ARHGEF10: variants seen among roughly 807,000 people sequenced by gnomAD.
ARHGEF10 encodes the protein Rho guanine nucleotide exchange factor 10, also known as Rho guanine nucleotide exchange factor (GEF) 10.
In ARHGEF10, 140 loss-of-function variants were observed where a neutral mutation model predicts 147.4. The observed-to-expected ratio is 0.95, with a 90% CI of 0.83 to 1.09. The LOEUF is 1.09. ARHGEF10 is among the 50% of genes least tolerant of loss of function. ARHGEF10 has a pLI of 0.00. For missense variants in ARHGEF10, 2,222 were observed against 1,752.7 expected (o/e 1.27, Z -4.78); for synonymous variants, 902 against 695.8 (o/e 1.30, Z -4.67).
intron 1 of ARHGEF10, among the ~76,000 whole-genome samples, chr8:1,826,419 G>C (rs889360904): frequency 6.7e-6 from 1 of 149,208 alleles, no homozygotes; most frequent in Non-Finnish European, 1.5e-5. Context: ...TGCTGTGTGT[G>C]TGTGCGCTTT....
At chr8:1,844,980 A>G (rs1457955597) in intron 2 of ARHGEF10, among the ~76,000 whole-genome samples, 2 of 152,156 alleles carry the variant, frequency 1.3e-5, no homozygotes, top group Non-Finnish European at 2.9e-5. Context: ...AAATAATGAT[A>G]TGATAATAAT....
chr8:1,941,768 A>G (rs1814111819), intron 26 of ARHGEF10, among the ~76,000 whole-genome samples: 1 of 152,208 alleles, frequency 6.6e-6, no homozygotes, highest in African/African-American at 2.4e-5. Context: ...AGACACATAC[A>G]TCAGTGACAT....
Position 1,842,595 on chromosome 8 carries a change from C to G in ARHGEF10, c.-47-758C>G, listed in dbSNP as rs143334407. On this transcript the variant is annotated intron_variant, in intron 1 of 28. Transcript: ENST00000349830. ...GGGCCTGGAGCTGGTGCCTGGTCCC[C>G]GGTGCTAGAGCCTGGTCCCTGGCAC... is the stretch of plus-strand genomic sequence containing the variant. Among the ~76,000 whole-genome samples the G allele has an allele frequency of 8.8e-3, 1,347 of 152,298 alleles. 9 individuals carry two copies. Among genetic ancestry groups the G allele is most frequent in the Non-Finnish European group, 0.013 (899 of 68,012 alleles).
At chr8:1,833,672 C>G (rs1420693059) in intron 1 of ARHGEF10, among the ~76,000 whole-genome samples, 1 of 152,236 alleles carries the variant, frequency 6.6e-6, no homozygotes, top group Non-Finnish European at 1.5e-5. Context: ...CCGGGCAGTC[C>G]CCAGGCCGCT....
At chr8:1,896,083 T>C (rs1014612677) in intron 13 of ARHGEF10, among the ~76,000 whole-genome samples, 8 of 152,152 alleles carry the variant, frequency 5.3e-5, no homozygotes, top group African/African-American at 1.9e-4. Context: ...GAAACCCAAA[T>C]TACCATGGTT....
At position 1,876,633 on chromosome 8, in the gene ARHGEF10, G is replaced by T; in HGVS notation, c.742G>T (p.Gly248Ter). 3 of 1,614,194 alleles carry T rather than the reference G, an allele frequency of 1.9e-6. No individual in the cohort carries two copies. The highest frequency in any genetic ancestry group is 2.5e-6 in the Non-Finnish European group (3 of 1,180,016). The change falls in exon 8 of 29, where the codon GGA becomes TGA. Residue 248 changes from glycine (G) to a stop codon, truncating the protein, a stop_gained. Transcript: ENST00000349830. LOFTEE classifies it high-confidence loss of function. ...AGGTGGAAACAGCTCCTTGGAATACGGATGGAGTTCGAGTGAATTTGAAAG... is the reference window on the plus strand; with the variant it reads ...AGGTGGAAACAGCTCCTTGGAATACTGATGGAGTTCGAGTGAATTTGAAAG... ...DEGGNSSLEY[G>*]WSSSEFESYE...
chr8:1,874,600 G>A (rs1009250048), intron 7 of ARHGEF10, among the ~76,000 whole-genome samples: 23 of 152,164 alleles, frequency 1.5e-4, no homozygotes, highest in Admixed American at 4.6e-4. Context: ...GATACATACC[G>A]GGGTGTGTAG....
In ARHGEF10 at chr8:1,945,652, C is replaced by A; in HGVS notation, c.3394C>A (p.Pro1132Thr). Residue 1132 changes from proline (P) to threonine (T), a missense_variant, in exon 27 of 29, where the codon CCA (proline) becomes ACA (threonine). Transcript: ENST00000349830. ...CGCCACCCCTGTTCACAACATGCTG[C>A]CAGGTAAGGGGACGGGACGGGGCCC... ...NIATPVHNML[P>T]GHQRLSVTSL... 1 of 1,614,230 alleles carries A rather than the reference C, an allele frequency of 6.2e-7. No individual in the cohort carries two copies. Among genetic ancestry groups the A allele is most frequent in the South Asian group, 1.1e-5 (1 of 91,088 alleles).
chr8:1,884,474 A>T (rs1808489211), intron 10 of ARHGEF10, among the ~76,000 whole-genome samples: 1 of 152,084 alleles, frequency 6.6e-6, no homozygotes, highest in East Asian at 1.9e-4. Flanking sequence ...GCTTGGACAG[A>T]ATTTCGTTCT....
intron 18 of ARHGEF10, among the ~76,000 whole-genome samples, chr8:1,914,524 C>G (rs990589454): frequency 1.3e-5 from 2 of 152,268 alleles, no homozygotes; most frequent in African/African-American, 4.8e-5. Context: ...GCAAGGGTCA[C>G]TGTTCTTGCT....
chr8:1,869,564 G>A (rs1327175431), intron 7 of ARHGEF10: 2 of 476,938 alleles, frequency 4.2e-6, no homozygotes, highest in Admixed American at 3.4e-5. Flanking sequence ...TCGAATAAAT[G>A]ACATCAGTGA....
intron 5 of ARHGEF10, 83 bp downstream of exon 5, chr8:1,864,519 C>A: frequency 7.1e-7 from 1 of 1,411,558 alleles, no homozygotes; most frequent in Non-Finnish European, 1.0e-6. Context: ...GTGTGTGTCC[C>A]TGCCCGCCAT....
intron 25 of ARHGEF10, among the ~76,000 whole-genome samples, chr8:1,932,489 G>A (rs1168111700): frequency 6.6e-6 from 1 of 150,880 alleles, no homozygotes; most frequent in Non-Finnish European, 1.5e-5. Flanking sequence ...ATGTGCACGT[G>A]TGTGTGTGCA....
At position 1,950,730 on chromosome 8, in the gene ARHGEF10, G is replaced by GT. The variant is rs71211528; in HGVS notation, c.3398-1954dup. 2.8e-3 allele frequency among the ~76,000 whole-genome samples: 305 copies of GT among 108,458 alleles called. 2 individuals are homozygous for GT. Among genetic ancestry groups the GT allele is most frequent in the African/African-American group, 9.2e-3 (253 of 27,506 alleles). The allele number at this position is 108,458 out of a possible 152,430, so 71.2% of individuals were successfully genotyped here. ...TGTATTTTTTTGTTTTGTTTTTTAG[G>GT]TTTTTTTTTTTTTTTTTTTTTGTAT... is the stretch of plus-strand genomic sequence containing the variant. On this transcript the variant is annotated intron_variant, in intron 27 of 28. Transcript: ENST00000349830.
intron 26 of ARHGEF10, among the ~76,000 whole-genome samples, chr8:1,938,196 G>A (rs1207166800): frequency 6.6e-6 from 1 of 152,156 alleles, no homozygotes; most frequent in African/African-American, 2.4e-5. Flanking sequence ...CCTTTACCCT[G>A]GGTTTGTCCA....
intron 5 of ARHGEF10, among the ~76,000 whole-genome samples, chr8:1,864,736 C>A (rs931405727): frequency 1.3e-5 from 2 of 152,218 alleles, no homozygotes; most frequent in African/African-American, 2.4e-5. Context: ...TCCTTTCTAT[C>A]ATGAAGGCGG....
intron 6 of ARHGEF10, among the ~76,000 whole-genome samples, chr8:1,868,788 G>T (rs572037448): frequency 6.6e-6 from 1 of 152,028 alleles, no homozygotes; most frequent in Admixed American, 6.6e-5. Context: ...TTTTTTGTGC[G>T]TCAGAACGTC....
chr8:1,836,035 G>C (rs947057535), intron 1 of ARHGEF10, among the ~76,000 whole-genome samples: 31 of 152,050 alleles, frequency 2.0e-4, no homozygotes, highest in African/African-American at 6.0e-4. Flanking sequence ...CAAAAAATTA[G>C]CCAGGCGTGG....
At chr8:1,939,818 G>C (rs1813933795) in intron 26 of ARHGEF10, among the ~76,000 whole-genome samples, 1 of 152,222 alleles carries the variant, frequency 6.6e-6, no homozygotes, top group Admixed American at 6.5e-5. Context: ...CCGGGGACTG[G>C]GGGGAAGCAT....
Sources: allele counts gnomAD v4.1 joint callset (sites outside exome capture counted in the v4.1 genomes callset), GRCh38; gene constraint gnomAD v4.1.1; transcripts MANE v1.5; gene names NCBI Gene and HGNC (gene_info 2026-07-23, HGNC 2026-07-21).